The following WASHC1 variants were observed in gnomAD, a reference collection of about 807,000 sequenced individuals.
WASHC1 encodes the protein CXYorf1-like protein on chromosome 9.
In WASHC1, 11 loss-of-function variants were observed where a neutral mutation model predicts 26.1. The ratio of observed to expected loss-of-function variants is 0.42; its 90% CI spans 0.27 to 0.70. The LOEUF is 0.70. WASHC1 is among the 30% of genes least tolerant of loss of function. The probability of loss-of-function intolerance (pLI) is 0.24; values close to 1 mark genes in which losing one functional copy is unlikely to be tolerated. For missense variants in WASHC1, 96 were observed against 304.9 expected (o/e 0.31, Z 5.10); for synonymous variants, 37 against 126.6 (o/e 0.29, Z 4.75).
chr9:15,202 G>A, intron 9 of WASHC1, 53 bp from the exon 10 acceptor site: 1 of 431,396 alleles, frequency 2.3e-6, no homozygotes, highest in Non-Finnish European at 3.9e-6. Context: ...CATGCGACCG[G>A]TGGCTCCCTG....
exon 11 of WASHC1, chr9:14,541 G>A: frequency 1.7e-6 from 1 of 598,618 alleles, no homozygotes; most frequent in South Asian, 2.0e-5. Flanking sequence ...TTTATTGATT[G>A]GTGTGCCGTT....
chr9:28,698 G>A (rs1817516636), intron 1 of WASHC1: 2 of 100,518 alleles, frequency 2.0e-5, no homozygotes, highest in South Asian at 2.8e-4. Flanking sequence ...TTTAATAATG[G>A]TGGGTTTTTT....
rs749762329 is a variant in WASHC1 at position 14,887 on chromosome 9, G to A, written c.1318C>T (p.Arg440Cys). 127 of 1,360,370 alleles carry A rather than the reference G, an allele frequency of 9.3e-5. 11 individuals carry two copies. Among genetic ancestry groups the A allele is most frequent in the Middle Eastern group, 2.7e-4 (1 of 3,682 alleles). 84.3% of individuals were successfully genotyped at this position (1,360,370 alleles called of 1,614,324 possible). A position where few individuals can be genotyped will look rare whatever the true frequency, so the allele number is the denominator to read the frequency against. Residue 440 changes from arginine to cysteine, a missense_variant, in exon 11 of 11, where the codon CGC becomes TGC. This residue lies in a region of WASHC1 where 54 missense variants were observed against 93.9 expected (regional missense o/e 0.58). Coordinates refer to ENST00000442898, the Ensembl canonical transcript of WASHC1. Reference sequence around the variant, plus strand: ...AAAGGAGGGATGGAGTCTGACACGCGGACAAAGGCTCCTCCGGGCCCCTCA... The same window carrying A: ...AAAGGAGGGATGGAGTCTGACACGCAGACAAAGGCTCCTCCGGGCCCCTCA...
exon 11 of WASHC1, chr9:14,530 CTTTA>C: frequency 1.7e-6 from 1 of 588,192 alleles, no homozygotes; most frequent in Non-Finnish European, 3.1e-6. Context: ...CTGCTCAGTT[CTTTA>C]TTGATTGGTG....
chr9:22,022 C>T, intron 2 of WASHC1, among the ~76,000 whole-genome samples: 2 of 146,194 alleles, frequency 1.4e-5, no homozygotes, highest in Non-Finnish European at 3.0e-5. Context: ...CCCTACCCTG[C>T]CCCCCTCTTC....
intron 1 of WASHC1, chr9:28,198 C>G (rs74338432): frequency 4.6e-5 from 4 of 87,766 alleles, no homozygotes; most frequent in Non-Finnish European, 6.1e-5. Flanking sequence ...ACCTTATCTT[C>G]ATACTTTGTC....
chr9:17,863 G>T lies in WASHC1; in HGVS notation c.409-8C>A. 2 of 240,632 alleles carry T rather than the reference G, an allele frequency of 8.3e-6. 1 individual carries two copies. Among genetic ancestry groups the T allele is most frequent in the Non-Finnish European group, 1.4e-5 (2 of 144,416 alleles). 14.9% of individuals were successfully genotyped at this position (240,632 alleles called of 1,614,324 possible). On this transcript the variant is annotated splice_polypyrimidine_tract_variant and splice_region_variant and intron_variant, in intron 4 of 10. Transcript: ENST00000442898. ...AAAGTCCTTCAGCTTCTCCTGAGAG[G>T]GCCAGGATGGCCAAGGGATGGTGAA...
intron 9 of WASHC1, among the ~76,000 whole-genome samples, chr9:15,654 TCA>T (rs1259174862): frequency 1.0e-5 from 1 of 95,820 alleles, no homozygotes; most frequent in African/African-American, 5.3e-5. Context: ...GATTCTCCTG[TCA>T]CAGTTTGAGC....
exon 9 of WASHC1, chr9:15,939 C>T (rs1247551279): frequency 1.5e-6 from 2 of 1,369,924 alleles, no homozygotes; most frequent in Non-Finnish European, 2.0e-6. Flanking sequence ...TGCTGCTTCT[C>T]CAGCTTTCGC....
In WASHC1 at chr9:20,700, A is replaced by C. The variant is rs1201280490; in HGVS notation, c.150-2208T>G. 4.2e-5 allele frequency among the ~76,000 whole-genome samples: 4 copies of C among 94,726 alleles called. 1 individual carries two copies. Among genetic ancestry groups the C allele is most frequent in the Non-Finnish European group, 7.6e-5 (4 of 52,512 alleles). The allele number at this position is 94,726 out of a possible 152,430, so 62.1% of individuals were successfully genotyped here. On this transcript the variant is annotated intron_variant, in intron 2 of 10. Transcript: ENST00000442898. The stretch of plus-strand genomic sequence containing the variant: ...GCCCAACATTTAGGTTTTAAAAATC[A>C]AGCGTATAAATACAGAAGGTGGAGA...
chr9:16,669 G>C (rs1229680341), intron 8 of WASHC1, 49 bp downstream of exon 8: 1 of 200,220 alleles, frequency 5.0e-6, no homozygotes, highest in Admixed American at 9.7e-5. Context: ...ATCCACCCGA[G>C]TGCACTGAGC....
chr9:27,305 GA>G (rs1817408998), intron 1 of WASHC1, among the ~76,000 whole-genome samples: 1 of 82,930 alleles, frequency 1.2e-5, no homozygotes, highest in Non-Finnish European at 2.5e-5. Flanking sequence ...AGTACTAGAA[GA>G]AAGAATGATA....
At chr9:14,804 C>G in exon 11 of WASHC1, 2 of 1,540,312 alleles carry the variant, frequency 1.3e-6, no homozygotes, top group East Asian at 2.3e-5. Flanking sequence ...GTCATGGAGC[C>G]CCCTACGATT....
chr9:15,895 C>T lies in WASHC1; in HGVS notation c.1195+14G>A. 2 of 1,395,974 alleles carry T rather than the reference C, an allele frequency of 1.4e-6. No homozygotes were observed. The highest frequency in any genetic ancestry group is 9.6e-7 in the Non-Finnish European group (1 of 1,037,310). The allele number at this position is 1,395,974 out of a possible 1,614,324, so 86.5% of individuals were successfully genotyped here. A position where few individuals can be genotyped will look rare whatever the true frequency, so the allele number is the denominator to read the frequency against. On this transcript the variant is annotated intron_variant, in intron 9 of 10. Coordinates refer to ENST00000442898, the Ensembl canonical transcript of WASHC1. The stretch of plus-strand genomic sequence containing the variant: ...CCCAAGGCCCTCCAACCGCAGGCTC[C>T]AGGGCCCGCTCACCTTGCTCCTGCT...
chr9:21,616 G>T (rs1306511403), intron 2 of WASHC1, among the ~76,000 whole-genome samples: 2,460 of 100,960 alleles, frequency 0.024, no homozygotes, highest in African/African-American at 0.039. Flanking sequence ...TCCCTAACAC[G>T]CCTGAATCAA....
rs78130782 is a variant in WASHC1 at position 17,115 on chromosome 9, G to C, written c.733C>G (p.His245Asp). 12,695 of 1,244,934 alleles carry C rather than the reference G, an allele frequency of 0.01. 3,246 individuals carry two copies. The African/African-American group carries it at 0.24, about 24-fold the overall frequency. The allele number at this position is 1,244,934 out of a possible 1,614,324, so 77.1% of individuals were successfully genotyped here. A position where few individuals can be genotyped will look rare whatever the true frequency, so the allele number is the denominator to read the frequency against. Residue 245 changes from histidine (H) to aspartate (D), a missense_variant, in exon 7 of 11, where the codon CAT becomes GAT. Physicochemically the swap from His to Asp is moderately conservative, Grantham distance 81. This residue lies in a region of WASHC1 where 33 missense variants were observed against 57.6 expected (regional missense o/e 0.57). Coordinates refer to ENST00000442898, the Ensembl canonical transcript of WASHC1. ...AGGTCAGGCAGGTAGGATGGAACAT[G>C]GATCTCAGGCACCTGGCCCAGGTCT... is the stretch of plus-strand genomic sequence containing the variant.
chr9:14,913 C>T, exon 11 of WASHC1: 1 of 1,384,324 alleles, frequency 7.2e-7, no homozygotes, highest in Non-Finnish European at 9.8e-7. Context: ...GGGCCCCTCA[C>T]CAGCCCCAGG....
chr9:15,292 C>G, intron 9 of WASHC1, 143 bp from the exon 10 acceptor site: 1 of 262,950 alleles, frequency 3.8e-6, no homozygotes, highest in East Asian at 6.4e-5. Context: ...CGATGCCTGA[C>G]CCAGCACCGG....
At position 28,120 on chromosome 9, in the gene WASHC1, TTTG is replaced by T. The variant is rs1476895584; in HGVS notation, c.-6+1479_-6+1481del. 4 of 95,968 alleles carry T rather than the reference TTTG, an allele frequency of 4.2e-5. 1 individual carries two copies. Among genetic ancestry groups the T allele is most frequent in the African/African-American group, 2.6e-4 (4 of 15,186 alleles). 5.9% of individuals were successfully genotyped at this position (95,968 alleles called of 1,614,324 possible). ...AGCTTTTTGTTATTTATTGATATGT[TTTG>T]TTGTTTTCATGCAATAATGCAAATA... On this transcript the variant is annotated intron_variant, in intron 1 of 10. Coordinates refer to ENST00000442898, the Ensembl canonical transcript of WASHC1.
Sources: allele counts gnomAD v4.1 joint callset (sites outside exome capture counted in the v4.1 genomes callset), GRCh38; gene constraint gnomAD v4.1.1; regional missense constraint gnomAD v4.1.1; transcripts MANE v1.5; gene names NCBI Gene and HGNC (gene_info 2026-07-23, HGNC 2026-07-21).